TP63: variants seen among roughly 807,000 people sequenced by gnomAD.
The protein encoded by TP63 is tumor protein 63.
Under a neutral mutation model 82.8 loss-of-function variants are expected in TP63, and 17 were observed. The observed-to-expected ratio is 0.21, with a 90% confidence interval of 0.14 to 0.31. The LOEUF (loss-of-function observed/expected upper bound fraction) is 0.31, where lower values mean the gene tolerates loss of function less well. Among genes scored for constraint, TP63 ranks in the 10% least tolerant of loss-of-function variants. The probability of loss-of-function intolerance (pLI) is 1.00; values close to 1 mark genes in which losing one functional copy is unlikely to be tolerated. For synonymous variants in TP63, 330 were observed against 321.7 expected (o/e 1.03, Z -0.28); for missense variants, 648 against 895.3 (o/e 0.72, Z 3.52).
At chr3:189,643,394 T>TA (rs765663141) in intron 1 of TP63, among the ~76,000 whole-genome samples, 17 of 151,892 alleles carry the variant, frequency 1.1e-4, no homozygotes, top group Admixed American at 2.0e-4. Flanking sequence ...TTTGAAAACT[T>TA]AGAGTTGCCC....
At chr3:189,613,800 T>C in the TP63 span, among the ~76,000 whole-genome samples, 1 of 152,200 alleles carries the variant, frequency 6.6e-6, no homozygotes, top group Admixed American at 6.5e-5. Flanking sequence ...GGAGATCATT[T>C]TGGACCTTTA....
intron 5 of TP63, among the ~76,000 whole-genome samples, chr3:189,864,676 C>T (rs1577136674): frequency 6.6e-6 from 1 of 150,572 alleles, no homozygotes; most frequent in Non-Finnish European, 1.5e-5. Flanking sequence ...ATCTTTACTC[C>T]TTCCTGCTTC....
At chr3:189,879,428 CAAAG>C (rs937366185) in intron 10 of TP63, among the ~76,000 whole-genome samples, 2 of 152,152 alleles carry the variant, frequency 1.3e-5, no homozygotes, top group African/African-American at 4.8e-5. Context: ...GTTTTTTACT[CAAAG>C]GATTAAGGTA....
intron 3 of TP63, among the ~76,000 whole-genome samples, chr3:189,804,589 C>A (rs1287164142): frequency 6.6e-6 from 1 of 152,084 alleles, no homozygotes; most frequent in Admixed American, 6.6e-5. Context: ...TTAACACACG[C>A]GATCTTTCTT....
chr3:189,661,571 G>A (rs1465389175), intron 1 of TP63, among the ~76,000 whole-genome samples: 1 of 152,058 alleles, frequency 6.6e-6, no homozygotes, highest in African/African-American at 2.4e-5. Context: ...TTGGTATCAG[G>A]GTGATGCTGG....
chr3:189,675,318 C>T (rs187912029), intron 1 of TP63, among the ~76,000 whole-genome samples: 99 of 151,984 alleles, frequency 6.5e-4, no homozygotes, highest in Non-Finnish European at 1.0e-3. Flanking sequence ...AAGATCATAG[C>T]AAGAAGACTG....
At chr3:189,878,112 C>A (rs1037908017) in intron 10 of TP63, among the ~76,000 whole-genome samples, 1 of 152,064 alleles carries the variant, frequency 6.6e-6, no homozygotes, top group African/African-American at 2.4e-5. Flanking sequence ...TGGTTATCAT[C>A]AAGAATATTG....
intron 4 of TP63, among the ~76,000 whole-genome samples, chr3:189,840,577 G>T (rs759024334): frequency 2.0e-5 from 3 of 151,622 alleles, no homozygotes; most frequent in Non-Finnish European, 4.4e-5. Flanking sequence ...ATTGTTCACG[G>T]TGGCTGGGTG....
chr3:189,687,723 T>G (rs1212787097), intron 1 of TP63, among the ~76,000 whole-genome samples: 1 of 152,334 alleles, frequency 6.6e-6, no homozygotes, highest in South Asian at 2.1e-4. Flanking sequence ...CTAATTCTAA[T>G]GTACAATGGT....
intron 10 of TP63, among the ~76,000 whole-genome samples, chr3:189,885,672 C>A (rs952140677): frequency 2.0e-5 from 3 of 152,146 alleles, no homozygotes; most frequent in Non-Finnish European, 2.9e-5. Context: ...GAAGATCATG[C>A]TGAATGGAAA....
At position 189,871,879 on chromosome 3, in the gene TP63, G is replaced by A. The variant is rs567866285; in HGVS notation, c.1213-980G>A. ...TGGGACCACAGGTGTGGGCCACCAC[G>A]CCCACTAATTTTTGCACATTTTGTA... On this transcript the variant is annotated intron_variant, in intron 9 of 13. Transcript: ENST00000264731. Among the ~76,000 whole-genome samples, 8 of 152,192 alleles carry A rather than the reference G, an allele frequency of 5.3e-5. No individual in the cohort carries two copies. The South Asian group carries it at 6.2e-4, about 12-fold the overall frequency.
rs1721306167 is a variant in TP63 at position 189,894,317 on chromosome 3, C to T, written c.1858C>T (p.Pro620Ser). 1 of 1,613,820 alleles carries T rather than the reference C, an allele frequency of 6.2e-7. No homozygotes were observed. The highest frequency in any genetic ancestry group is 1.3e-5 in the African/African-American group (1 of 74,844). The change falls in exon 14 of 14, where the codon CCA becomes TCA. Residue 620 changes from proline (P) to serine (S), a missense_variant. Physicochemically the swap from Pro to Ser is moderately conservative, Grantham distance 74 (BLOSUM62 -1). Coordinates refer to ENST00000264731, the MANE Select transcript of TP63 (RefSeq NM_003722.5). ...CTCCCCTTCTCATCTCCTGCGGACC[C>T]CAAGCAGTGCCTCTACAGTCAGTGT... Reference protein sequence around the residue: ...FSSPSHLLRTPSSASTVSVGS... With the variant: ...FSSPSHLLRTSSSASTVSVGS...
chr3:189,649,229 A>C lies in TP63; in HGVS notation c.62+17652A>C, dbSNP rs568960920. On this transcript the variant is annotated intron_variant, in intron 1 of 13. Coordinates refer to ENST00000264731, the MANE Select transcript of TP63 (RefSeq NM_003722.5). ...AAAACGATGCTATTCACAATAGCAA[A>C]GAAATGGAATCAACATAAATGCCCA... is the stretch of plus-strand genomic sequence containing the variant. Among the ~76,000 whole-genome samples, 130 of 147,266 alleles carry C rather than the reference A, an allele frequency of 8.8e-4. 17 individuals are homozygous for C. Among genetic ancestry groups the C allele is most frequent in the African/African-American group, 3.1e-3 (124 of 39,440 alleles).
In TP63 at chr3:189,712,507, C is replaced by T. The variant is rs114604524; in HGVS notation, c.63-25233C>T. Among the ~76,000 whole-genome samples the T allele has an allele frequency of 3.5e-3, 539 of 152,192 alleles. 3 individuals carry two copies. Among genetic ancestry groups the T allele is most frequent in the African/African-American group, 0.012 (514 of 41,532 alleles). On this transcript the variant is annotated intron_variant, in intron 1 of 13. Coordinates refer to ENST00000264731, the MANE Select transcript of TP63 (RefSeq NM_003722.5). ...AGCACCAGCTTTTTCATAGGTGGCA[C>T]CTTCTTGTTTTGTCCTCACATGGTG...
chr3:189,634,138 C>T (rs923828975), intron 1 of TP63, among the ~76,000 whole-genome samples: 3 of 151,938 alleles, frequency 2.0e-5, no homozygotes, highest in East Asian at 3.9e-4. Context: ...TGTAAGCAGA[C>T]AACCGTTGTA....
At chr3:189,830,215 C>T (rs974703794) in intron 4 of TP63, among the ~76,000 whole-genome samples, 1 of 152,106 alleles carries the variant, frequency 6.6e-6, no homozygotes, top group Non-Finnish European at 1.5e-5. Context: ...AAAGCTAGAC[C>T]TTTACAAATT....
chr3:189,650,505 T>C (rs570036664), intron 1 of TP63, among the ~76,000 whole-genome samples: 2 of 146,302 alleles, frequency 1.4e-5, no homozygotes, highest in African/African-American at 5.1e-5. Context: ...CCTGTTCTCA[T>C]GATAGTGAGT....
rs372835152 is a variant in TP63, at chr3:189,706,021, C to A, written c.63-31719C>A. Among the ~76,000 whole-genome samples, 7 of 152,218 alleles carry A rather than the reference C, an allele frequency of 4.6e-5. No homozygotes were observed. The South Asian group carries it at 6.2e-4, about 14-fold the overall frequency. ...TGTAGTGCCCATGCATATACTATGTCTAATAAAGTGTGGAATTCTCCCACT... is the reference window on the plus strand; with the variant it reads ...TGTAGTGCCCATGCATATACTATGTATAATAAAGTGTGGAATTCTCCCACT... On this transcript the variant is annotated intron_variant, in intron 1 of 13. Transcript: ENST00000264731.
intron 3 of TP63, among the ~76,000 whole-genome samples, chr3:189,745,957 G>C (rs764177227): frequency 6.6e-6 from 1 of 151,524 alleles, no homozygotes; most frequent in African/African-American, 2.4e-5. Context: ...TAGAATTTTT[G>C]GTGTTTCCAA....
Sources: allele counts gnomAD v4.1 joint callset (sites outside exome capture counted in the v4.1 genomes callset), GRCh38; gene constraint gnomAD v4.1.1; transcripts MANE v1.5; gene names NCBI Gene and HGNC (gene_info 2026-07-23, HGNC 2026-07-21).